Variants in PPIL1 observed in about 807,000 individuals in gnomAD.
PPIL1 encodes the protein peptidylprolyl isomerase like 1, also known as peptidyl-prolyl cis-trans isomerase-like 1.
In PPIL1, 14 loss-of-function variants were observed where a neutral mutation model predicts 19.4. The ratio of observed to expected loss-of-function variants is 0.72; its 90% CI spans 0.48 to 1.13. The LOEUF is 1.13. PPIL1 is among the 50% of genes most tolerant of loss of function. The probability of loss-of-function intolerance (pLI) is 0.00; values close to 1 mark genes in which losing one functional copy is unlikely to be tolerated. For missense variants in PPIL1, 192 were observed against 218.0 expected, an observed-to-expected ratio of 0.88 and a Z score of 0.75; for synonymous variants, 72 against 73.6, an observed-to-expected ratio of 0.98 and a Z score of 0.11.
intron 1 of PPIL1, among the ~76,000 whole-genome samples, chr6:36,874,472 G>A (rs1774592960): frequency 1.3e-5 from 2 of 152,362 alleles, no homozygotes; most frequent in East Asian, 3.9e-4. Flanking sequence ...ATGAATGAAT[G>A]AGCGGACTGG....
In PPIL1 at chr6:36,855,931, A is replaced by G; in HGVS notation, c.383T>C (p.Ile128Thr). ...TATGCCCTGACACACTCGGCCAAAA[A>G]TGGTGTGTTTGCCGTCAAGCCACTG... ...PTQWLDGKHT[I>T]FGRVCQGIGM... The change falls in exon 4 of 4, where the codon ATT (isoleucine) becomes ACT (threonine). Residue 128 changes from isoleucine to threonine, a missense_variant. Transcript: ENST00000373699. 6.2e-7 allele frequency: 1 copy of G among 1,614,176 alleles called. No homozygotes were observed. Among genetic ancestry groups the G allele is most frequent in the South Asian group, 1.1e-5 (1 of 91,084 alleles).
At chr6:36,864,666 T>G (rs1457102694) in intron 2 of PPIL1, among the ~76,000 whole-genome samples, 3 of 152,138 alleles carry the variant, frequency 2.0e-5, no homozygotes, top group African/African-American at 7.2e-5. Flanking sequence ...TCTATCAGTA[T>G]CAAGCAGTTA....
intron 3 of PPIL1, 101 bp downstream of exon 3, chr6:36,856,485 G>C: frequency 9.3e-7 from 1 of 1,075,934 alleles, no homozygotes; most frequent in East Asian, 2.4e-5. Flanking sequence ...CAGCTATCTG[G>C]CACCATGCCA....
At position 36,871,817 on chromosome 6, in the gene PPIL1, T is replaced by A. The variant is rs1774516694; in HGVS notation, c.112A>T (p.Asn38Tyr). The part of the protein sequence containing the change: ...YWKHAPKTCK[N>Y]FAELARRGYY... ...CCTCGACGAGCCAACTCAGCAAAGT[T>A]CTTACAGGTCTTTGGAGCATGCTTC... is the stretch of plus-strand genomic sequence containing the variant. Residue 38 changes from asparagine (N) to tyrosine (Y), a missense_variant, in exon 2 of 4, where the codon AAC becomes TAC. By Grantham distance (143) the Asn-to-Tyr change is moderately radical. Coordinates refer to ENST00000373699, the MANE Select transcript of PPIL1 (RefSeq NM_016059.5). The A allele has an allele frequency of 6.2e-7, 1 of 1,611,596 alleles. No homozygotes were observed. The highest frequency in any genetic ancestry group is 1.3e-5 in the African/African-American group (1 of 74,760).
At chr6:36,871,575 A>C (rs1280393629) in intron 2 of PPIL1, 143 bp downstream of exon 2, 3 of 1,034,706 alleles carry the variant, frequency 2.9e-6, no homozygotes, top group Admixed American at 3.0e-5. Flanking sequence ...ACCAACACAG[A>C]CCTTAGTAAG....
chr6:36,862,500 C>T (rs1417461343), intron 2 of PPIL1, among the ~76,000 whole-genome samples: 1 of 152,224 alleles, frequency 6.6e-6, no homozygotes, highest in East Asian at 1.9e-4. Flanking sequence ...GAGAAAGCTA[C>T]AGCTTTCCTG....
chr6:36,855,701 G>T lies in PPIL1; in HGVS notation c.*112C>A. 9.1e-7 allele frequency: 1 copy of T among 1,097,708 alleles called. No individual in the cohort carries two copies. Among genetic ancestry groups the T allele is most frequent in the African/African-American group, 1.6e-5 (1 of 64,250 alleles). 68.0% of individuals were successfully genotyped at this position (1,097,708 alleles called of 1,614,324 possible). On this transcript the variant is annotated 3_prime_UTR_variant, in exon 4 of 4. Transcript: ENST00000373699. Reference sequence around the variant, plus strand: ...TCACCCAAGATGCCAGGCCTCCTAAGCTTCATGACTTGCAAAGCCAAAATG... The same window carrying T: ...TCACCCAAGATGCCAGGCCTCCTAATCTTCATGACTTGCAAAGCCAAAATG...
chr6:36,865,045 T>A (rs879564649), intron 2 of PPIL1, among the ~76,000 whole-genome samples: 12 of 151,884 alleles, frequency 7.9e-5, no homozygotes, highest in Non-Finnish European at 1.5e-4. Flanking sequence ...TGCTAACCAC[T>A]GTACCAACAT....
intron 2 of PPIL1, among the ~76,000 whole-genome samples, chr6:36,864,442 T>A (rs1317027975): frequency 1.3e-5 from 2 of 152,162 alleles, no homozygotes; most frequent in Admixed American, 6.5e-5. Context: ...GCTGTTCTCT[T>A]CAGAGTGCCC....
At chr6:36,857,861 T>C (rs930169245) in intron 2 of PPIL1, among the ~76,000 whole-genome samples, 34 of 152,160 alleles carry the variant, frequency 2.2e-4, no homozygotes, top group Non-Finnish European at 5.9e-5. Context: ...CAAATGTTAT[T>C]TATATTATGC....
intron 2 of PPIL1, among the ~76,000 whole-genome samples, chr6:36,868,337 A>T (rs1432886006): frequency 6.6e-6 from 1 of 152,188 alleles, no homozygotes; most frequent in Non-Finnish European, 1.5e-5. Flanking sequence ...AATGCAGGGA[A>T]AAAAGAAAAA....
intron 2 of PPIL1, among the ~76,000 whole-genome samples, chr6:36,871,248 A>G (rs1774503117): frequency 6.6e-6 from 1 of 152,246 alleles, no homozygotes; most frequent in African/African-American, 2.4e-5. Context: ...ATTGAGAGCA[A>G]TAATTCTGTC....
At chr6:36,869,196 C>T (rs1242663454) in intron 2 of PPIL1, among the ~76,000 whole-genome samples, 2 of 152,120 alleles carry the variant, frequency 1.3e-5, no homozygotes, top group Non-Finnish European at 2.9e-5. Context: ...GTCGCCCAGG[C>T]TGGTCTTGAA....
chr6:36,859,417 C>G (rs1459087133), intron 2 of PPIL1, among the ~76,000 whole-genome samples: 1 of 133,860 alleles, frequency 7.5e-6, no homozygotes, highest in Non-Finnish European at 1.6e-5. Context: ...AGAGTGAGAC[C>G]CTGTCTCAAA....
At chr6:36,871,060 C>T (rs1161509826) in intron 2 of PPIL1, among the ~76,000 whole-genome samples, 1 of 152,212 alleles carries the variant, frequency 6.6e-6, no homozygotes, top group African/African-American at 2.4e-5. Context: ...CTTATGATTT[C>T]CAGCACAGGT....
chr6:36,865,647 TCA>T (rs1479216529), intron 2 of PPIL1, among the ~76,000 whole-genome samples: 1 of 152,182 alleles, frequency 6.6e-6, no homozygotes, highest in African/African-American at 2.4e-5. Flanking sequence ...CATCCTAATC[TCA>T]TTCCATTGTG....
rs1231553565 is a variant in PPIL1, at chr6:36,855,499, C to T, written c.*314G>A. ...CAAAACCACTGAGAAATGACAGTGGCTGCTACATTGTTCGACGTATATCAG... is the reference window on the plus strand; with the variant it reads ...CAAAACCACTGAGAAATGACAGTGGTTGCTACATTGTTCGACGTATATCAG... On this transcript the variant is annotated 3_prime_UTR_variant, in exon 4 of 4. Transcript: ENST00000373699. The T allele has an allele frequency of 5.9e-6, 2 of 338,432 alleles. No homozygotes were observed. Among genetic ancestry groups the T allele is most frequent in the East Asian group, 1.3e-4 (2 of 14,986 alleles). The allele number at this position is 338,432 out of a possible 1,614,324, so 21.0% of individuals were successfully genotyped here.
chr6:36,857,130 A>G (rs1428156979), intron 2 of PPIL1, among the ~76,000 whole-genome samples: 4 of 152,134 alleles, frequency 2.6e-5, no homozygotes, highest in Non-Finnish European at 4.4e-5. Flanking sequence ...GCTGAGCTAG[A>G]TTTGCCTCTG....
intron 2 of PPIL1, among the ~76,000 whole-genome samples, chr6:36,867,874 A>G (rs759031196): frequency 4.6e-5 from 7 of 152,262 alleles, no homozygotes; most frequent in Non-Finnish European, 1.0e-4. Context: ...CCAGTTCCAC[A>G]TAAGTGGGGA....
Sources: gnomAD v4.1 joint callset for allele counts (sites outside exome capture counted in the v4.1 genomes callset) on GRCh38, gnomAD v4.1.1 for gene constraint, MANE v1.5 for transcripts, NCBI Gene and HGNC (gene_info 2026-07-23, HGNC 2026-07-21) for gene names.